Variants in SERPINB10 observed in about 807,000 individuals in gnomAD.
SERPINB10 encodes the protein serpin family B member 10.
Under a neutral mutation model 39.1 loss-of-function variants are expected in SERPINB10, and 35 were observed. The observed-to-expected ratio is 0.90, with a 90% confidence interval of 0.68 to 1.19. The LOEUF (loss-of-function observed/expected upper bound fraction) is 1.19. Ranked by LOEUF, SERPINB10 falls within the 50% of genes most tolerant of loss-of-function variation. SERPINB10 has a pLI of 0.00. For synonymous variants in SERPINB10, 190 were observed against 158.1 expected, an observed-to-expected ratio of 1.20 and a Z score of -1.52; for missense variants, 546 against 460.5, an observed-to-expected ratio of 1.19 and a Z score of -1.70.
Position 63,935,213 on chromosome 18 carries a change from C to A in SERPINB10, c.1165C>A (p.Leu389Ile). 6.2e-7 allele frequency: 1 copy of A among 1,600,138 alleles called. No homozygotes were observed. Among genetic ancestry groups the A allele is most frequent in the Non-Finnish European group, 8.5e-7 (1 of 1,173,566 alleles). ...FIRHNKTNTI[L>I]FYGRLCSP ...CAGGCACAATAAAACCAACACCATTCTTTTTTATGGAAGATTATGCTCCCC... is the reference window on the plus strand; with the variant it reads ...CAGGCACAATAAAACCAACACCATTATTTTTTATGGAAGATTATGCTCCCC... The change falls in exon 8 of 8, where the codon CTT (leucine) becomes ATT (isoleucine). Residue 389 changes from leucine (L) to isoleucine (I), a missense_variant. Leu to Ile is a conservative substitution (Grantham distance 5, BLOSUM62 2). Coordinates refer to ENST00000238508, the MANE Select transcript of SERPINB10 (RefSeq NM_005024.3).
At chr18:63,911,454 G>T (rs115316425) in intron 1 of SERPINB10, among the ~76,000 whole-genome samples, 1 of 151,208 alleles carries the variant, frequency 6.6e-6, no homozygotes, top group Non-Finnish European at 1.5e-5. Flanking sequence ...GTTAATTTTT[G>T]TACATGTTGA....
At chr18:63,923,503 T>C (rs189457117) in intron 5 of SERPINB10, among the ~76,000 whole-genome samples, 147 of 152,038 alleles carry the variant, frequency 9.7e-4, no homozygotes, top group African/African-American at 3.0e-3. Context: ...GCATCATTAA[T>C]AAAAACAACA....
At chr18:63,928,522 C>T (rs1326723026) in intron 5 of SERPINB10, among the ~76,000 whole-genome samples, 1 of 152,044 alleles carries the variant, frequency 6.6e-6, no homozygotes, top group African/African-American at 2.4e-5. Flanking sequence ...CACAGCCTTT[C>T]AGATGTTAAT....
chr18:63,913,107 C>T (rs2050076707), intron 1 of SERPINB10, among the ~76,000 whole-genome samples: 1 of 151,604 alleles, frequency 6.6e-6, no homozygotes, highest in Admixed American at 6.6e-5. Flanking sequence ...TGTATTTCTC[C>T]AGGATCAGTT....
At chr18:63,909,363 C>T (rs1180279626) in intron 1 of SERPINB10, among the ~76,000 whole-genome samples, 1 of 151,996 alleles carries the variant, frequency 6.6e-6, no homozygotes, top group Non-Finnish European at 1.5e-5. Flanking sequence ...TTTCACCTCA[C>T]AATTCTACAC....
chr18:63,930,920 T>G (rs2050217637), intron 6 of SERPINB10, among the ~76,000 whole-genome samples: 1 of 152,174 alleles, frequency 6.6e-6, no homozygotes, highest in Non-Finnish European at 1.5e-5. Context: ...AGTCTAGGGA[T>G]AGGCCACAAA....
intron 5 of SERPINB10, among the ~76,000 whole-genome samples, chr18:63,926,250 A>G (rs2050180748): frequency 2.0e-5 from 3 of 151,894 alleles, no homozygotes; most frequent in Admixed American, 2.0e-4. Context: ...CTTTGCCTGC[A>G]TTGGTACATG....
intron 4 of SERPINB10, 113 bp from the exon 5 acceptor site, chr18:63,919,675 G>C (rs1004800691): frequency 3.0e-6 from 2 of 662,038 alleles, no homozygotes; most frequent in South Asian, 3.5e-5. Flanking sequence ...TGGAGTGATG[G>C]TGTGGGAGTG....
intron 7 of SERPINB10, among the ~76,000 whole-genome samples, 185 bp downstream of exon 7, chr18:63,933,388 A>C (rs1008064325): frequency 6.6e-6 from 1 of 152,194 alleles, no homozygotes; most frequent in Non-Finnish European, 1.5e-5. Flanking sequence ...TATTATTTAA[A>C]CTTTACAACA....
chr18:63,919,644 T>C (rs542130565), intron 4 of SERPINB10, 144 bp from the exon 5 acceptor site: 69 of 540,754 alleles, frequency 1.3e-4, no homozygotes, highest in African/African-American at 1.2e-3. Context: ...TGACCAAAAC[T>C]GGGAGTCAGG....
In SERPINB10 at chr18:63,915,414, T is replaced by C. The variant is rs960189866; in HGVS notation, c.-9-88T>C. 6 of 879,426 alleles carry C rather than the reference T, an allele frequency of 6.8e-6. No homozygotes were observed. In the Admixed American group the frequency reaches 1.5e-4, roughly 21 times the overall value. 54.5% of individuals were successfully genotyped at this position (879,426 alleles called of 1,614,324 possible). On this transcript the variant is annotated intron_variant, in intron 1 of 7. Transcript: ENST00000238508. ...GCTCATATGACAATGTATATGGATA[T>C]GTATGCAACTATGAATACATATTTT... is the stretch of plus-strand genomic sequence containing the variant.
intron 5 of SERPINB10, among the ~76,000 whole-genome samples, chr18:63,926,866 G>T (rs756421826): frequency 6.6e-6 from 1 of 151,902 alleles, no homozygotes; most frequent in East Asian, 1.9e-4. Context: ...ATCATTTAAC[G>T]ATATTTTATA....
At chr18:63,915,866 G>C (rs897849194) in intron 2 of SERPINB10, among the ~76,000 whole-genome samples, 188 bp downstream of exon 2, 3 of 152,056 alleles carry the variant, frequency 2.0e-5, no homozygotes, top group African/African-American at 7.2e-5. Flanking sequence ...TTTGCAAACT[G>C]TTGCTAGGAA....
intron 5 of SERPINB10, among the ~76,000 whole-genome samples, chr18:63,928,026 C>G (rs1045866070): frequency 6.6e-6 from 1 of 151,780 alleles, no homozygotes; most frequent in Non-Finnish European, 1.5e-5. Context: ...GCTGTTTCCA[C>G]GGGAGGTAAT....
intron 5 of SERPINB10, among the ~76,000 whole-genome samples, chr18:63,928,610 C>G (rs949281786): frequency 5.9e-5 from 9 of 152,052 alleles, no homozygotes; most frequent in Non-Finnish European, 1.2e-4. Flanking sequence ...AATAGGGGTA[C>G]ATTGAATCTG....
intron 5 of SERPINB10, among the ~76,000 whole-genome samples, chr18:63,923,045 C>T (rs1247812166): frequency 6.6e-6 from 1 of 151,820 alleles, no homozygotes; most frequent in Non-Finnish European, 1.5e-5. Flanking sequence ...ATGGGACATC[C>T]ACACTTTAAA....
rs760665285 is a variant in SERPINB10 at position 63,917,489 on chromosome 18, T to G, written c.202T>G (p.Cys68Gly). The G allele has an allele frequency of 1.3e-6, 2 of 1,584,216 alleles. No individual in the cohort carries two copies. The highest frequency in any genetic ancestry group is 3.6e-5 in the Admixed American group (2 of 55,862). ...LQFNRDQGVK[C>G]DPESEKKRKM... is the part of the protein sequence containing the mutation. ...ATTTAACAGAGACCAGGGAGTCAAA[T>G]GTGACCCTGAAAGTGAAAAAAAAAG... Residue 68 changes from cysteine (C) to glycine (G), a missense_variant, in exon 3 of 8, where the codon TGT (cysteine) becomes GGT (glycine). Transcript: ENST00000238508.
At chr18:63,925,762 G>A (rs563825839) in intron 5 of SERPINB10, among the ~76,000 whole-genome samples, 3 of 152,072 alleles carry the variant, frequency 2.0e-5, no homozygotes, top group African/African-American at 7.2e-5. Flanking sequence ...AGTAACCACA[G>A]TAGTAATTGT....
chr18:63,908,868 T>G (rs2050044287), intron 1 of SERPINB10, among the ~76,000 whole-genome samples: 2 of 152,042 alleles, frequency 1.3e-5, no homozygotes, highest in African/African-American at 4.8e-5. Flanking sequence ...TCCTGATGGT[T>G]CTCCATCATG....
Sources: gnomAD v4.1 joint callset for allele counts (sites outside exome capture counted in the v4.1 genomes callset) on GRCh38, gnomAD v4.1.1 for gene constraint, MANE v1.5 for transcripts, NCBI Gene and HGNC (gene_info 2026-07-23, HGNC 2026-07-21) for gene names.